RYR2: variants seen among roughly 807,000 people sequenced by gnomAD.
RYR2 encodes the protein cardiac muscle ryanodine receptor-calcium release channel.
A neutral mutation model predicts 601.1 loss-of-function variants in RYR2; 227 were observed. The observed-to-expected ratio is 0.38, with a 90% CI of 0.34 to 0.42. RYR2 has a LOEUF of 0.42. Ranked by LOEUF, RYR2 falls within the 10% of genes least tolerant of loss-of-function variation. The pLI is 1.00. For missense variants in RYR2, 4,646 were observed against 6,156.5 expected, an observed-to-expected ratio of 0.75 and a Z score of 8.21; for synonymous variants, 2,223 against 2,175.1, an observed-to-expected ratio of 1.02 and a Z score of -0.61.
chr1:237,052,730 GAAC>G (rs922379543), intron 1 of RYR2, among the ~76,000 whole-genome samples: 1 of 151,988 alleles, frequency 6.6e-6, no homozygotes, highest in Non-Finnish European at 1.5e-5. Flanking sequence ...TTTTAGGGAA[GAAC>G]AACATATTGA....
intron 23 of RYR2, 34 bp downstream of exon 23, chr1:237,506,848 T>C (rs1358018975): frequency 1.3e-6 from 2 of 1,499,842 alleles, no homozygotes; most frequent in African/African-American, 2.8e-5. Context: ...TCAGATTCTG[T>C]GAATACATCT....
chr1:237,612,283 G>A (rs763210401), intron 36 of RYR2, among the ~76,000 whole-genome samples: 4 of 152,016 alleles, frequency 2.6e-5, no homozygotes, highest in Non-Finnish European at 5.9e-5. Flanking sequence ...GGCTAGGAGC[G>A]GAACAGGACT....
intron 1 of RYR2, among the ~76,000 whole-genome samples, chr1:237,117,881 G>A (rs1248613920): frequency 6.6e-6 from 1 of 152,052 alleles, no homozygotes; most frequent in African/African-American, 2.4e-5. Context: ...AAGTAGCTGG[G>A]TTACAGGCAT....
chr1:237,380,235 A>ATT (rs1313305570), intron 8 of RYR2, among the ~76,000 whole-genome samples: 2 of 150,854 alleles, frequency 1.3e-5, no homozygotes, highest in African/African-American at 4.9e-5. Context: ...AAAGATCAAG[A>ATT]AGTGAGTTCG....
rs1010028153 is a variant in RYR2, at chr1:237,341,747, T to C, written c.273+10765T>C. 30 of 463,628 alleles carry C rather than the reference T, an allele frequency of 6.5e-5. 1 individual carries two copies. The Admixed American group carries it at 6.9e-4, about 11-fold the overall frequency. The allele number at this position is 463,628 out of a possible 1,614,324, so 28.7% of individuals were successfully genotyped here. ...AAAAATTCTGTTTCTGCTACTGTAGTAACAGTTTTGAACATATGATAGAGC... is the reference window on the plus strand; with the variant it reads ...AAAAATTCTGTTTCTGCTACTGTAGCAACAGTTTTGAACATATGATAGAGC... On this transcript the variant is annotated intron_variant, in intron 3 of 104. Transcript: ENST00000366574.
intron 2 of RYR2, among the ~76,000 whole-genome samples, chr1:237,296,980 G>A (rs1357476126): frequency 6.6e-6 from 1 of 152,100 alleles, no homozygotes; most frequent in East Asian, 1.9e-4. Flanking sequence ...TTGTATTTTA[G>A]TGGTAACTCT....
At chr1:237,666,280 T>C (rs536004914) in intron 56 of RYR2, among the ~76,000 whole-genome samples, 48 of 152,192 alleles carry the variant, frequency 3.2e-4, no homozygotes, top group Non-Finnish European at 6.9e-4. Flanking sequence ...GCACAATACA[T>C]CAAATTCCGA....
At chr1:237,722,113 A>T (rs775425691) in intron 73 of RYR2, among the ~76,000 whole-genome samples, 196 of 152,318 alleles carry the variant, frequency 1.3e-3, no homozygotes, top group Non-Finnish European at 2.3e-3. Flanking sequence ...ATTTATAGGT[A>T]AATGCTATCC....
intron 6 of RYR2, among the ~76,000 whole-genome samples, chr1:237,370,729 C>T (rs1168022161): frequency 1.3e-5 from 2 of 148,392 alleles, no homozygotes; most frequent in Non-Finnish European, 3.0e-5. Context: ...GGCGCGATCT[C>T]GGCTCACTGC....
At chr1:237,345,775 A>G (rs1047323325) in intron 3 of RYR2, among the ~76,000 whole-genome samples, 4 of 152,114 alleles carry the variant, frequency 2.6e-5, no homozygotes, top group African/African-American at 9.7e-5. Context: ...TATGTCTAAT[A>G]CCACATTTAT....
intron 1 of RYR2, among the ~76,000 whole-genome samples, chr1:237,262,832 A>C (rs1305836637): frequency 6.6e-6 from 1 of 152,142 alleles, no homozygotes; most frequent in Non-Finnish European, 1.5e-5. Context: ...CACAAAGCCT[A>C]AACCTGGAAA....
intron 1 of RYR2, among the ~76,000 whole-genome samples, chr1:237,182,931 T>A (rs1393686680): frequency 6.6e-6 from 1 of 152,192 alleles, no homozygotes; most frequent in Non-Finnish European, 1.5e-5. Flanking sequence ...ATGATTGAAT[T>A]TATGATGATT....
intron 63 of RYR2, among the ~76,000 whole-genome samples, chr1:237,691,555 C>A (rs1686944716): frequency 6.6e-6 from 1 of 152,106 alleles, no homozygotes; most frequent in South Asian, 2.1e-4. Flanking sequence ...TAAAATATTT[C>A]TTCTGCATTG....
At position 237,208,668 on chromosome 1, in the gene RYR2, T is replaced by G. The variant is rs148247151; in HGVS notation, c.49-61829T>G. Among the ~76,000 whole-genome samples the G allele has an allele frequency of 2.0e-5, 3 of 152,120 alleles. No homozygotes were observed. In the East Asian group the frequency reaches 5.8e-4, roughly 29 times the overall value. ...GAAATGACGACCAAAACCAAGCTAA[T>G]GAACGTATTTATGACCTCACAGAGT... On this transcript the variant is annotated intron_variant, in intron 1 of 104. Transcript: ENST00000366574.
Position 237,265,753 on chromosome 1 carries a change from G to A in RYR2, c.49-4744G>A, listed in dbSNP as rs544435014. 3.9e-5 allele frequency among the ~76,000 whole-genome samples: 6 copies of A among 152,364 alleles called. 1 individual carries two copies. In the South Asian group the frequency reaches 1.2e-3, roughly 32 times the overall value. ...AGCTCCTTGGAAGGGAGTGTGCAGT[G>A]TGGAGAACCATTCAGTGGATTTTGA... On this transcript the variant is annotated intron_variant, in intron 1 of 104. Coordinates refer to ENST00000366574, the MANE Select transcript of RYR2 (RefSeq NM_001035.3).
At chr1:237,630,825 C>T (rs535082314) in intron 41 of RYR2, among the ~76,000 whole-genome samples, 1 of 152,224 alleles carries the variant, frequency 6.6e-6, no homozygotes, top group Non-Finnish European at 1.5e-5. Flanking sequence ...AACACCGTTT[C>T]TTGAAACTGG....
chr1:237,732,731 G>A (rs989313474), intron 78 of RYR2, among the ~76,000 whole-genome samples: 4 of 152,162 alleles, frequency 2.6e-5, no homozygotes, highest in Admixed American at 6.6e-5. Flanking sequence ...AGGCCTGATC[G>A]TCAAAATGTG....
chr1:237,294,591 T>C (rs2149432467), intron 2 of RYR2, among the ~76,000 whole-genome samples: 1 of 152,334 alleles, frequency 6.6e-6, no homozygotes, highest in Non-Finnish European at 1.5e-5. Context: ...CATATTTAAG[T>C]AAAATATTTT....
intron 1 of RYR2, among the ~76,000 whole-genome samples, chr1:237,213,886 AC>A (rs1682860531): frequency 1.4e-5 from 2 of 140,436 alleles, no homozygotes; most frequent in African/African-American, 2.6e-5. Flanking sequence ...AATTGTCCCA[AC>A]CCATTTATTA....
Sources: gnomAD v4.1 joint callset for allele counts (sites outside exome capture counted in the v4.1 genomes callset) on GRCh38, gnomAD v4.1.1 for gene constraint, MANE v1.5 for transcripts, NCBI Gene and HGNC (gene_info 2026-07-23, HGNC 2026-07-21) for gene names.